Variants in ATG5 observed in about 807,000 individuals in gnomAD.
The protein encoded by ATG5 is autophagy related 5.
A neutral mutation model predicts 36.5 loss-of-function variants in ATG5; 14 were observed. That is an observed-to-expected ratio of 0.38 (90% CI 0.25 to 0.60). ATG5 has a LOEUF of 0.60. Among genes scored for constraint, ATG5 ranks in the 20% least tolerant of loss-of-function variants. The pLI is 0.60. For synonymous variants in ATG5, 95 were observed against 101.5 expected (o/e 0.94, Z 0.38); for missense variants, 195 against 326.7 (o/e 0.60, Z 3.11).
chr6:106,248,585 T>C (rs751571294), intron 5 of ATG5, among the ~76,000 whole-genome samples: 6 of 152,172 alleles, frequency 3.9e-5, no homozygotes, highest in Admixed American at 1.3e-4. Flanking sequence ...TACTTCTAAT[T>C]GCTGAGCTAC....
intron 2 of ATG5, among the ~76,000 whole-genome samples, chr6:106,311,841 T>C (rs1770657297): frequency 6.6e-6 from 1 of 151,894 alleles, no homozygotes; most frequent in Non-Finnish European, 1.5e-5. Flanking sequence ...TCTTTTTTTT[T>C]TTTTTTGAGA....
At chr6:106,232,120 C>T (rs1055974697) in intron 6 of ATG5, among the ~76,000 whole-genome samples, 2 of 152,118 alleles carry the variant, frequency 1.3e-5, no homozygotes, top group African/African-American at 2.4e-5. Flanking sequence ...TGAGAGTGCC[C>T]GGGGCAAGCA....
At chr6:106,231,395 C>A (rs1486026001) in intron 6 of ATG5, among the ~76,000 whole-genome samples, 2 of 152,168 alleles carry the variant, frequency 1.3e-5, no homozygotes, top group Non-Finnish European at 2.9e-5. Context: ...AGGTCGACAA[C>A]AGAGGAAAGA....
chr6:106,272,435 C>G (rs187225306), intron 5 of ATG5, among the ~76,000 whole-genome samples: 1 of 152,184 alleles, frequency 6.6e-6, no homozygotes, highest in Non-Finnish European at 1.5e-5. Context: ...TTACCACTCT[C>G]GATCTTGATC....
intron 1 of ATG5, among the ~76,000 whole-genome samples, chr6:106,325,056 T>C (rs1322739416): frequency 1.3e-5 from 2 of 152,238 alleles, no homozygotes; most frequent in Non-Finnish European, 2.9e-5. Context: ...ATGAAGTATG[T>C]AAAAGTGTCT....
chr6:106,320,066 A>T (rs1771003506), intron 1 of ATG5, among the ~76,000 whole-genome samples: 1 of 152,256 alleles, frequency 6.6e-6, no homozygotes, highest in African/African-American at 2.4e-5. Flanking sequence ...CAAATGATAA[A>T]TTTGAGATGA....
At chr6:106,239,179 T>C (rs1371423342) in intron 6 of ATG5, among the ~76,000 whole-genome samples, 1 of 151,758 alleles carries the variant, frequency 6.6e-6, no homozygotes, top group East Asian at 1.9e-4. Context: ...AAAAAGTTTG[T>C]AAAAACACAA....
At chr6:106,309,004 GGTCA>G (rs1376794313) in intron 2 of ATG5, among the ~76,000 whole-genome samples, 1 of 151,984 alleles carries the variant, frequency 6.6e-6, no homozygotes, top group Admixed American at 6.6e-5. Context: ...TGAAGAACCT[GGTCA>G]GTGTTTTTTC....
chr6:106,316,886 CT>C (rs1450598669), intron 1 of ATG5, among the ~76,000 whole-genome samples: 2 of 152,188 alleles, frequency 1.3e-5, no homozygotes, highest in South Asian at 2.1e-4. Flanking sequence ...AAGTGGCCCC[CT>C]GAACACCTTT....
chr6:106,205,029 C>G (rs1436475404), intron 6 of ATG5, among the ~76,000 whole-genome samples: 3 of 152,170 alleles, frequency 2.0e-5, no homozygotes. Flanking sequence ...AGCCATCCCT[C>G]ACTCAGGGTT....
At chr6:106,217,446 TAACA>T (rs1319606460) in intron 6 of ATG5, 1 of 152,190 alleles carries the variant, frequency 6.6e-6, no homozygotes, top group Non-Finnish European at 1.5e-5. Flanking sequence ...ATGTCCTTAC[TAACA>T]AATTGCTACC....
chr6:106,241,362 C>A (rs1032236950), intron 6 of ATG5, among the ~76,000 whole-genome samples: 1 of 152,150 alleles, frequency 6.6e-6, no homozygotes, highest in African/African-American at 2.4e-5. Context: ...TGGTGAAGAT[C>A]TGAAAAACAG....
At position 106,316,091 on chromosome 6, in the gene ATG5, A is replaced by G. The variant is rs1208133326; in HGVS notation, c.108+10T>C. 1.9e-6 allele frequency: 3 copies of G among 1,594,778 alleles called. No homozygotes were observed. Among genetic ancestry groups the G allele is most frequent in the South Asian group, 1.1e-5 (1 of 88,600 alleles). ...TTAAATATCCCATTTGCCACAATCA[A>G]TGTACTTACATAGTATGGTTCTGCT... On this transcript the variant is annotated intron_variant, in intron 2 of 7. Transcript: ENST00000369076.
intron 5 of ATG5, among the ~76,000 whole-genome samples, chr6:106,251,056 A>G (rs1778556149): frequency 6.6e-6 from 1 of 152,266 alleles, no homozygotes; most frequent in Non-Finnish European, 1.5e-5. Context: ...GACAGAATCT[A>G]GCACTCCAAA....
intron 3 of ATG5, among the ~76,000 whole-genome samples, chr6:106,307,752 T>C (rs1770503912): frequency 1.3e-5 from 2 of 152,152 alleles, no homozygotes; most frequent in African/African-American, 4.8e-5. Flanking sequence ...GTCAGGCTGG[T>C]CTCGAACTCC....
At chr6:106,217,097 T>A (rs916582419) in intron 6 of ATG5, among the ~76,000 whole-genome samples, 2 of 152,212 alleles carry the variant, frequency 1.3e-5, no homozygotes, top group South Asian at 2.1e-4. Context: ...TTTAAAAAAA[T>A]TATATTTCAT....
chr6:106,325,230 C>T (rs895686601), intron 1 of ATG5: 19 of 152,290 alleles, frequency 1.2e-4, no homozygotes, highest in African/African-American at 4.3e-4. Flanking sequence ...CAATTCAGGT[C>T]CTGAACTGAA....
intron 5 of ATG5, among the ~76,000 whole-genome samples, chr6:106,257,840 T>C (rs1039947137): frequency 2.0e-5 from 3 of 152,176 alleles, no homozygotes; most frequent in African/African-American, 7.2e-5. Flanking sequence ...TGGAGTTTAA[T>C]TAAAACAGGA....
At chr6:106,194,643 T>C (rs371428386) in intron 7 of ATG5, among the ~76,000 whole-genome samples, 165 of 152,192 alleles carry the variant, frequency 1.1e-3, no homozygotes, top group South Asian at 6.4e-3. Context: ...GTTCAACCAA[T>C]TCTCCTGCCT....
Sources: allele counts gnomAD v4.1 joint callset (sites outside exome capture counted in the v4.1 genomes callset), GRCh38; gene constraint gnomAD v4.1.1; transcripts MANE v1.5; gene names NCBI Gene and HGNC (gene_info 2026-07-23, HGNC 2026-07-21).